The following MPRIP variants were observed in gnomAD, a reference collection of about 807,000 sequenced individuals.
MPRIP encodes the protein myosin phosphatase Rho-interacting protein.
In MPRIP, 59 loss-of-function variants were observed where a neutral mutation model predicts 234.9. That is an observed-to-expected ratio of 0.25 (90% CI 0.20 to 0.31). The LOEUF is 0.31. Ranked by LOEUF, MPRIP falls within the 10% of genes least tolerant of loss-of-function variation. The pLI is 1.00. For synonymous variants in MPRIP, 1,144 were observed against 1,263.9 expected, an observed-to-expected ratio of 0.91 and a Z score of 2.01; for missense variants, 2,436 against 3,071.0, an observed-to-expected ratio of 0.79 and a Z score of 4.89.
intron 3 of MPRIP, among the ~76,000 whole-genome samples, chr17:17,088,387 A>G (rs1597784661): frequency 1.3e-5 from 2 of 152,232 alleles, no homozygotes; most frequent in African/African-American, 4.8e-5. Flanking sequence ...GAGAGAAATG[A>G]CTTTAGATAT....
In MPRIP at chr17:17,048,210, C is replaced by T. The variant is rs182631821; in HGVS notation, c.123+5239C>T. Among the ~76,000 whole-genome samples the T allele has an allele frequency of 1.8e-3, 280 of 152,210 alleles. 1 individual carries two copies. The highest frequency in any genetic ancestry group is 6.5e-3 in the African/African-American group (271 of 41,492). ...GCCTGTTTTCCCATCTGGAAATGAG[C>T]TCGGTCTTGATCTCTCCCAGGGTTC... is the stretch of plus-strand genomic sequence containing the variant. On this transcript the variant is annotated intron_variant, in intron 1 of 23. Coordinates refer to ENST00000651222, the MANE Select transcript of MPRIP (RefSeq NM_001364716.4).
chr17:17,115,108 C>T (rs1778485028), intron 3 of MPRIP, among the ~76,000 whole-genome samples: 1 of 152,234 alleles, frequency 6.6e-6, no homozygotes, highest in Admixed American at 6.5e-5. Context: ...TTAGCAGATG[C>T]TGCACATCTT....
At chr17:17,093,114 A>G (rs968191466) in intron 3 of MPRIP, among the ~76,000 whole-genome samples, 3 of 152,198 alleles carry the variant, frequency 2.0e-5, no homozygotes, top group Non-Finnish European at 2.9e-5. Context: ...TCCTTCATAT[A>G]TTGTTAGCCT....
At chr17:17,072,952 G>A (rs565125661) in intron 1 of MPRIP, among the ~76,000 whole-genome samples, 24 of 152,060 alleles carry the variant, frequency 1.6e-4, no homozygotes, top group Non-Finnish European at 2.9e-4. Flanking sequence ...AAATTCACAC[G>A]TCATACGTTT....
At chr17:17,140,986 A>G (rs1315169968) in intron 7 of MPRIP, among the ~76,000 whole-genome samples, 1 of 152,166 alleles carries the variant, frequency 6.6e-6, no homozygotes, top group African/African-American at 2.4e-5. Flanking sequence ...CACCTCGCCC[A>G]GTAGATCAGG....
chr17:17,064,151 G>A (rs1426543312), intron 1 of MPRIP, among the ~76,000 whole-genome samples: 1 of 152,102 alleles, frequency 6.6e-6, no homozygotes, highest in Non-Finnish European at 1.5e-5. Flanking sequence ...GACCCCTGAG[G>A]ACTGACTGCA....
Position 17,142,563 on chromosome 17 carries a change from C to T in MPRIP, c.1251-64C>T, listed in dbSNP as rs896307733. ...GGGCCAGGCCGGGCATGGGAGGAGT[C>T]GGCTCACTGCCACCTCACAGCTCAC... On this transcript the variant is annotated intron_variant, in intron 7 of 23. Transcript: ENST00000651222. 18 of 1,575,024 alleles carry T rather than the reference C, an allele frequency of 1.1e-5. No individual in the cohort carries two copies. In the Admixed American group the frequency reaches 1.7e-4, roughly 15 times the overall value.
rs1278829579 is a variant in MPRIP, at chr17:17,119,099, C to T, written c.268-7603C>T. On this transcript the variant is annotated intron_variant, in intron 3 of 23. Coordinates refer to ENST00000651222, the MANE Select transcript of MPRIP (RefSeq NM_001364716.4). ...CCTCCCAGGATGTGGGTTCCAGGGG[C>T]GCCTAGGAACTCAGCTGGTGCTCCC... is the stretch of plus-strand genomic sequence containing the variant. 4.6e-5 allele frequency among the ~76,000 whole-genome samples: 7 copies of T among 152,298 alleles called. No individual in the cohort carries two copies. The South Asian group carries it at 6.2e-4, about 14-fold the overall frequency.
At chr17:17,172,671 G>A (rs774900208) in intron 17 of MPRIP, 27 bp from the exon 18 acceptor site, 1 of 1,593,990 alleles carries the variant, frequency 6.3e-7, no homozygotes, top group South Asian at 1.1e-5. Context: ...TGGTCCCTCG[G>A]TGCTGAGGCC....
chr17:17,130,365 T>A (rs1422333566), intron 4 of MPRIP, among the ~76,000 whole-genome samples: 1 of 151,582 alleles, frequency 6.6e-6, no homozygotes, highest in Non-Finnish European at 1.5e-5. Flanking sequence ...TCTCCTTCCC[T>A]CTCTTCCTGT....
At chr17:17,066,124 A>G (rs1008631891) in intron 1 of MPRIP, among the ~76,000 whole-genome samples, 5 of 152,036 alleles carry the variant, frequency 3.3e-5, no homozygotes, top group African/African-American at 1.2e-4. Flanking sequence ...TATGCCTTTT[A>G]TTTCCTTTTC....
At position 17,167,948 on chromosome 17, in the gene MPRIP, T is replaced by A; in HGVS notation, c.6324+33T>A. ...CGCCCCATTCAATTTGCAGAGCAGA[T>A]CTTCCTTGATAATGGGGTGGGTGTG... On this transcript the variant is annotated intron_variant, in intron 16 of 23. Transcript: ENST00000651222. This position sits in a 1 kb window ranked among gnomAD's most constrained non-coding sequence, Gnocchi z 5.9. 1 of 1,276,990 alleles carries A rather than the reference T, an allele frequency of 7.8e-7. No homozygotes were observed. The highest frequency in any genetic ancestry group is 1.0e-6 in the Non-Finnish European group (1 of 974,818). The allele number at this position is 1,276,990 out of a possible 1,614,324, so 79.1% of individuals were successfully genotyped here.
At chr17:17,134,107 C>T (rs998473597) in intron 5 of MPRIP, among the ~76,000 whole-genome samples, 13 of 152,208 alleles carry the variant, frequency 8.5e-5, no homozygotes, top group African/African-American at 2.4e-4. Context: ...TGTGTGTCTC[C>T]TTCCTTAAGA....
intron 3 of MPRIP, chr17:17,096,624 A>G (rs1567712157): frequency 2.7e-6 from 1 of 375,352 alleles, no homozygotes. Context: ...GGGACTAACA[A>G]TAAGACCCTT....
At chr17:17,077,927 T>C in intron 2 of MPRIP, 84 bp from the exon 3 acceptor site, 1 of 1,357,118 alleles carries the variant, frequency 7.4e-7, no homozygotes, top group Non-Finnish European at 1.1e-6. Context: ...AGATATGGAC[T>C]TGTCAGACGT....
At chr17:17,161,379 G>T in intron 15 of MPRIP, 23 bp downstream of exon 15, 1 of 1,503,654 alleles carries the variant, frequency 6.7e-7, no homozygotes, top group Non-Finnish European at 9.1e-7. Flanking sequence ...GGCTGCTGTG[G>T]CCCATGGTGC....
chr17:17,077,818 C>T, intron 2 of MPRIP, 193 bp from the exon 3 acceptor site: 3 of 597,284 alleles, frequency 5.0e-6, no homozygotes, highest in South Asian at 2.0e-5. Context: ...GGCCTGTCTC[C>T]CAGCCCAGTC....
At chr17:17,073,724 G>T (rs1302976154) in intron 1 of MPRIP, among the ~76,000 whole-genome samples, 2 of 152,168 alleles carry the variant, frequency 1.3e-5, no homozygotes, top group African/African-American at 4.8e-5. Context: ...CCTGGGTGGG[G>T]TGTGGAGAGG....
rs1402079846 is a variant in MPRIP at position 17,166,044 on chromosome 17, C to T, written c.4453C>T (p.Gln1485Ter). The T allele has an allele frequency of 7.7e-7, 1 of 1,303,404 alleles. No individual in the cohort carries two copies. 80.7% of individuals were successfully genotyped at this position (1,303,404 alleles called of 1,614,324 possible). A position where few individuals can be genotyped will look rare whatever the true frequency, so the allele number is the denominator to read the frequency against. The change falls in exon 16 of 24, where the codon CAA (glutamine) becomes TAA (stop). Residue 1485 changes from glutamine (Q) to a stop codon, truncating the protein, a stop_gained. Coordinates refer to ENST00000651222, the MANE Select transcript of MPRIP (RefSeq NM_001364716.4). LOFTEE classifies it high-confidence loss of function. This position sits in a 1 kb window ranked among gnomAD's most constrained non-coding sequence, Gnocchi z 4.4. ...GATGTGCCTGGAAAATTGCCGAGAACAACTGAGATCTCTGCCTAGGGCCAG... is the reference window on the plus strand; with the variant it reads ...GATGTGCCTGGAAAATTGCCGAGAATAACTGAGATCTCTGCCTAGGGCCAG... ...ALMCLENCRE[Q>*]LRSLPRASQE...
Sources: allele counts gnomAD v4.1 joint callset (sites outside exome capture counted in the v4.1 genomes callset), GRCh38; gene constraint gnomAD v4.1.1; non-coding constraint Gnocchi (gnomAD v3.1); transcripts MANE v1.5; gene names NCBI Gene and HGNC (gene_info 2026-07-23, HGNC 2026-07-21).